Variants in TAF4B observed in about 807,000 individuals in gnomAD.
TAF4B encodes the protein transcription initiation factor TFIID subunit 4B.
In TAF4B, 38 loss-of-function variants were observed where a neutral mutation model predicts 86.4. The ratio of observed to expected loss-of-function variants is 0.44; its 90% CI spans 0.34 to 0.58. The LOEUF is 0.58. Among genes scored for constraint, TAF4B ranks in the 20% least tolerant of loss-of-function variants. TAF4B has a pLI of 0.02. For missense variants in TAF4B, 988 were observed against 1,027.6 expected (o/e 0.96, Z 0.53); for synonymous variants, 388 against 391.2 (o/e 0.99, Z 0.10).
chr18:26,237,819 C>A (rs1177934484), intron 1 of TAF4B, among the ~76,000 whole-genome samples: 2 of 152,064 alleles, frequency 1.3e-5, no homozygotes, highest in Non-Finnish European at 2.9e-5. Context: ...GGCCATAGTG[C>A]AGAAAAAATA....
Position 26,315,151 on chromosome 18 carries a change from T to A in TAF4B, c.1833-78T>A, listed in dbSNP as rs1392550186. ...CTCTCTCTCTCTCTCTCTCTGTCTC[T>A]CTCTCTCTCTCACACACACACACAC... is the stretch of plus-strand genomic sequence containing the variant. On this transcript the variant is annotated intron_variant, in intron 9 of 14. Transcript: ENST00000269142. 4,195 of 453,194 alleles carry A rather than the reference T, an allele frequency of 9.3e-3. 295 individuals carry two copies. The highest frequency in any genetic ancestry group is 0.092 in the African/African-American group (2,950 of 31,908). The allele number at this position is 453,194 out of a possible 1,614,324, so 28.1% of individuals were successfully genotyped here. A position where few individuals can be genotyped will look rare whatever the true frequency, so the allele number is the denominator to read the frequency against.
intron 13 of TAF4B, among the ~76,000 whole-genome samples, chr18:26,340,489 TTG>T (rs2057127672): frequency 6.6e-6 from 1 of 152,154 alleles, no homozygotes; most frequent in African/African-American, 2.4e-5. Flanking sequence ...TATAAATAAC[TTG>T]TGTATGACAG....
chr18:26,287,480 C>T (rs749226096), intron 7 of TAF4B, among the ~76,000 whole-genome samples: 3 of 151,856 alleles, frequency 2.0e-5, no homozygotes, highest in East Asian at 1.9e-4. Context: ...AGCTGTTTGT[C>T]GATTAGTGTT....
At chr18:26,274,504 C>A (rs2056358803) in intron 3 of TAF4B, among the ~76,000 whole-genome samples, 159 bp from the exon 4 acceptor site, 1 of 152,138 alleles carries the variant, frequency 6.6e-6, no homozygotes, top group Non-Finnish European at 1.5e-5. Context: ...ATCTGCTAGA[C>A]TCAAGAGTTC....
At chr18:26,257,835 CTGCG>C (rs896991614) in intron 1 of TAF4B, among the ~76,000 whole-genome samples, 8 of 123,262 alleles carry the variant, frequency 6.5e-5, no homozygotes, top group Admixed American at 2.5e-4. Context: ...TGGCTTTCCT[CTGCG>C]TGCGTGTGTG....
intron 9 of TAF4B, among the ~76,000 whole-genome samples, chr18:26,313,393 G>A (rs1038466975): frequency 2.6e-5 from 4 of 152,096 alleles, no homozygotes; most frequent in Admixed American, 2.0e-4. Context: ...TAAATGTTTA[G>A]ATGTTTAAAT....
At chr18:26,240,556 C>G (rs1034702187) in intron 1 of TAF4B, among the ~76,000 whole-genome samples, 2 of 152,204 alleles carry the variant, frequency 1.3e-5, no homozygotes, top group African/African-American at 4.8e-5. Context: ...TTCCTCTTTT[C>G]CTAATTGAAT....
At chr18:26,344,376 A>C (rs1568163513) in intron 13 of TAF4B, among the ~76,000 whole-genome samples, 1 of 151,782 alleles carries the variant, frequency 6.6e-6, no homozygotes, top group Non-Finnish European at 1.5e-5. Flanking sequence ...TTTTAAAAAA[A>C]AAGGGAAAAA....
intron 13 of TAF4B, among the ~76,000 whole-genome samples, chr18:26,354,482 G>T (rs2057270500): frequency 6.6e-6 from 1 of 152,182 alleles, no homozygotes; most frequent in Admixed American, 6.5e-5. Context: ...ATCAGATGTT[G>T]GATGGAACAA....
At chr18:26,334,266 G>T (rs191654277) in intron 12 of TAF4B, among the ~76,000 whole-genome samples, 2 of 151,996 alleles carry the variant, frequency 1.3e-5, no homozygotes, top group Non-Finnish European at 1.5e-5. Context: ...TTAACCAAAG[G>T]TTCTGGTAAA....
At chr18:26,340,398 A>G (rs942117710) in intron 13 of TAF4B, among the ~76,000 whole-genome samples, 2 of 152,218 alleles carry the variant, frequency 1.3e-5, no homozygotes, top group African/African-American at 4.8e-5. Context: ...CTGGACAGGG[A>G]CAAATGAAAC....
At chr18:26,370,885 A>G (rs1336553886) in intron 14 of TAF4B, among the ~76,000 whole-genome samples, 1 of 152,192 alleles carries the variant, frequency 6.6e-6, no homozygotes, top group African/African-American at 2.4e-5. Flanking sequence ...TGAAATTGAG[A>G]TAGATGATAG....
In TAF4B at chr18:26,226,964, G is replaced by A; in HGVS notation, c.31G>A (p.Ala11Thr). 1.4e-6 allele frequency: 2 copies of A among 1,382,908 alleles called. No homozygotes were observed. The highest frequency in any genetic ancestry group is 1.9e-6 in the Non-Finnish European group (2 of 1,078,706). The allele number at this position is 1,382,908 out of a possible 1,614,324, so 85.7% of individuals were successfully genotyped here. ...CGCCGGCCTCACCGAACCCGCCGGC[G>A]CCGCTCCCCCGGCTGCTGTGAGCGC... MPAGLTEPAG[A>T]APPAAVSASG... Residue 11 changes from alanine (A) to threonine (T), a missense_variant, in exon 1 of 15, where the codon GCC (alanine) becomes ACC (threonine). Around this residue, in one of 3 missense-constraint regions of TAF4B, gnomAD observed 747 missense variants for 737.9 expected, o/e 1.01. Coordinates refer to ENST00000269142, the MANE Select transcript of TAF4B (RefSeq NM_005640.3).
At chr18:26,371,342 G>T (rs1461264799) in intron 14 of TAF4B, among the ~76,000 whole-genome samples, 1 of 152,180 alleles carries the variant, frequency 6.6e-6, no homozygotes, top group Non-Finnish European at 1.5e-5. Flanking sequence ...TGGAGGTAAA[G>T]ACCTGTGCCC....
intron 13 of TAF4B, among the ~76,000 whole-genome samples, chr18:26,350,087 C>T (rs1264431096): frequency 6.6e-6 from 1 of 152,114 alleles, no homozygotes; most frequent in Non-Finnish European, 1.5e-5. Flanking sequence ...AGTGTAAAAC[C>T]TGAAACTATA....
At chr18:26,376,883 A>G (rs1362808769) in intron 14 of TAF4B, among the ~76,000 whole-genome samples, 2 of 152,052 alleles carry the variant, frequency 1.3e-5, no homozygotes, top group African/African-American at 4.8e-5. Flanking sequence ...TCTTTTTATC[A>G]TGAAAGAATG....
rs528865635 is a variant in TAF4B at position 26,313,670 on chromosome 18, G to GTT, written c.1833-1548_1833-1547dup. 1.4e-4 allele frequency among the ~76,000 whole-genome samples: 21 copies of GTT among 146,004 alleles called. No homozygotes were observed. In the South Asian group the frequency reaches 2.6e-3, roughly 18 times the overall value. ...GTGTTTAGCAGTTTACTTTCCTTGAGTTTTTTTTTTTTAAACACAGGGTCT... is the reference window on the plus strand; with the variant it reads ...GTGTTTAGCAGTTTACTTTCCTTGAGTTTTTTTTTTTTTTAAACACAGGGTCT... On this transcript the variant is annotated intron_variant, in intron 9 of 14. Coordinates refer to ENST00000269142, the MANE Select transcript of TAF4B (RefSeq NM_005640.3).
intron 9 of TAF4B, among the ~76,000 whole-genome samples, chr18:26,313,849 G>A (rs1376457374): frequency 2.6e-5 from 4 of 151,600 alleles, no homozygotes; most frequent in Non-Finnish European, 5.9e-5. Context: ...TTTGTTTTCT[G>A]TAGAGGTGGT....
intron 1 of TAF4B, among the ~76,000 whole-genome samples, chr18:26,254,208 C>T (rs956253638): frequency 4.6e-5 from 7 of 151,612 alleles, no homozygotes; most frequent in African/African-American, 1.7e-4. Context: ...GATTACAGGC[C>T]TGAGCCACCA....
Sources: allele counts gnomAD v4.1 joint callset (sites outside exome capture counted in the v4.1 genomes callset), GRCh38; gene constraint gnomAD v4.1.1; regional missense constraint gnomAD v4.1.1; transcripts MANE v1.5; gene names NCBI Gene and HGNC (gene_info 2026-07-23, HGNC 2026-07-21).